USP45: variants seen among roughly 807,000 people sequenced by gnomAD.
USP45 encodes ubiquitin carboxyl-terminal hydrolase 45.
Under a neutral mutation model 95.8 loss-of-function variants are expected in USP45, and 89 were observed. That is an observed-to-expected ratio of 0.93 (90% CI 0.78 to 1.11). USP45 has a LOEUF of 1.11. USP45 is among the 50% of genes least tolerant of loss of function. The pLI is 0.00. For missense variants in USP45, 898 were observed against 942.5 expected (o/e 0.95, Z 0.62); for synonymous variants, 281 against 316.2 (o/e 0.89, Z 1.18).
At chr6:99,490,707 G>A (rs1311692368) in intron 5 of USP45, among the ~76,000 whole-genome samples, 1 of 152,068 alleles carries the variant, frequency 6.6e-6, no homozygotes, top group Non-Finnish European at 1.5e-5. Flanking sequence ...AGAACTAGTG[G>A]GTTAGCTTCT....
chr6:99,465,019 G>T, intron 12 of USP45, 61 bp downstream of exon 12: 1 of 1,387,600 alleles, frequency 7.2e-7, no homozygotes, highest in Non-Finnish European at 9.9e-7. Context: ...CTCAACAAAT[G>T]TTTAAATAAA....
intron 8 of USP45, 97 bp downstream of exon 8, chr6:99,482,656 A>C (rs1792700645): frequency 2.4e-6 from 3 of 1,248,992 alleles, no homozygotes; most frequent in Non-Finnish European, 3.2e-6. Flanking sequence ...GGGCAATAAG[A>C]GCAAAGTTAC....
intron 17 of USP45, 146 bp downstream of exon 17, chr6:99,437,100 C>CAATT (rs935096965): frequency 5.1e-5 from 45 of 883,594 alleles, no homozygotes; most frequent in Middle Eastern, 3.6e-4. Flanking sequence ...CTGTCTCAAT[C>CAATT]AATCAATCAA....
chr6:99,437,119 T>TCAATCAA, intron 17 of USP45, 127 bp downstream of exon 17: 62 of 1,026,302 alleles, frequency 6.0e-5, no homozygotes, highest in Non-Finnish European at 7.6e-5. Flanking sequence ...AATCAATCAA[T>TCAATCAA]TAAGTTAAAA....
intron 5 of USP45, among the ~76,000 whole-genome samples, chr6:99,490,861 C>T (rs888833629): frequency 5.1e-4 from 78 of 152,226 alleles, no homozygotes; most frequent in Admixed American, 3.8e-3. Flanking sequence ...TGAGCCACCG[C>T]GCCCAGCAGA....
chr6:99,488,184 AAC>A lies in USP45; in HGVS notation c.714+14_714+15del, dbSNP rs1289851641. On this transcript the variant is annotated intron_variant, in intron 7 of 17. Coordinates refer to ENST00000500704, the MANE Select transcript of USP45 (RefSeq NM_001346022.3). ...CTCATCTGAAAGCAGCTATTATTCA[AAC>A]AGTTATTACTCACCAGCTGAGAGTC... 2 of 1,562,772 alleles carry A rather than the reference AAC, an allele frequency of 1.3e-6. No individual in the cohort carries two copies. The highest frequency in any genetic ancestry group is 1.8e-6 in the Non-Finnish European group (2 of 1,137,020).
At chr6:99,486,555 C>T (rs1236372603) in intron 7 of USP45, among the ~76,000 whole-genome samples, 1 of 151,338 alleles carries the variant, frequency 6.6e-6, no homozygotes, top group Non-Finnish European at 1.5e-5. Context: ...TTACAGGCTG[C>T]TTTTCGACTA....
chr6:99,443,841 A>AT (rs562885872), intron 14 of USP45, among the ~76,000 whole-genome samples, 179 bp from the exon 15 acceptor site: 6 of 152,010 alleles, frequency 3.9e-5, no homozygotes, highest in Admixed American at 2.6e-4. Context: ...AAGTAAAGGA[A>AT]TTTTTTTTAA....
At chr6:99,508,232 CT>C (rs1759679700) in intron 3 of USP45, among the ~76,000 whole-genome samples, 2 of 152,022 alleles carry the variant, frequency 1.3e-5, no homozygotes, top group Admixed American at 1.3e-4. Context: ...ATATCAATAA[CT>C]TTTAAACTTT....
intron 11 of USP45, among the ~76,000 whole-genome samples, chr6:99,465,356 T>C (rs1348610442): frequency 6.6e-6 from 1 of 152,176 alleles, no homozygotes; most frequent in East Asian, 1.9e-4. Context: ...AATTTTATAT[T>C]ACTGTCAATA....
chr6:99,453,298 A>G (rs1784322158), intron 13 of USP45, among the ~76,000 whole-genome samples: 1 of 152,172 alleles, frequency 6.6e-6, no homozygotes, highest in African/African-American at 2.4e-5. Flanking sequence ...TAGAACTGAT[A>G]AACAAATTCA....
intron 1 of USP45, among the ~76,000 whole-genome samples, chr6:99,513,477 G>A (rs938345452): frequency 1.3e-5 from 2 of 152,110 alleles, no homozygotes; most frequent in African/African-American, 4.8e-5. Flanking sequence ...ATTTAAATTT[G>A]ATGTCCTGAA....
chr6:99,472,170 C>A (rs143810751), intron 9 of USP45, among the ~76,000 whole-genome samples: 6 of 151,468 alleles, frequency 4.0e-5, no homozygotes, highest in East Asian at 3.9e-4. Context: ...AGAAAAAAAA[C>A]CCCAAGACAT....
chr6:99,435,878 G>A (rs1780371645), intron 17 of USP45, 32 bp from the exon 18 acceptor site: 3 of 1,593,376 alleles, frequency 1.9e-6, no homozygotes, highest in African/African-American at 1.4e-5. Context: ...CAATTTTAAA[G>A]TAAGTATGCT....
chr6:99,446,036 T>C lies in USP45; in HGVS notation c.1736A>G (p.Gln579Arg). ...TAAATTATTTGAAATATTTAGTGGCTGATTTTCTCTGTCAAAATCTTGATC... is the reference window on the plus strand; with the variant it reads ...TAAATTATTTGAAATATTTAGTGGCCGATTTTCTCTGTCAAAATCTTGATC... Reference protein sequence around the residue: ...TGDQDFDRENQPLNISNNLCF... With the variant: ...TGDQDFDRENRPLNISNNLCF... The change falls in exon 14 of 18, where the codon CAG becomes CGG. Residue 579 changes from glutamine to arginine, a missense_variant. Gln to Arg is a conservative substitution (Grantham distance 43). Transcript: ENST00000500704. 1 of 1,614,108 alleles carries C rather than the reference T, an allele frequency of 6.2e-7. No homozygotes were observed.
chr6:99,481,119 A>C (rs6902279), intron 8 of USP45, among the ~76,000 whole-genome samples: 149,357 of 152,244 alleles, frequency 0.98, 73,322 homozygotes, highest in East Asian at 1. Flanking sequence ...ATACATAAAA[A>C]TCTTCAAATA....
At chr6:99,464,016 C>T (rs1491003639) in intron 13 of USP45, among the ~76,000 whole-genome samples, 1 of 151,518 alleles carries the variant, frequency 6.6e-6, no homozygotes, top group Non-Finnish European at 1.5e-5. Context: ...AAGAGTATCC[C>T]TCGGTTAGTG....
Position 99,446,157 on chromosome 6 carries a change from C to A in USP45, c.1615G>T (p.Ala539Ser), listed in dbSNP as rs1562308596. 6.2e-7 allele frequency: 1 copy of A among 1,614,178 alleles called. No individual in the cohort carries two copies. The highest frequency in any genetic ancestry group is 1.3e-5 in the African/African-American group (1 of 75,064). ...TCCTTGGTGTACAGCAGTTTACCTG[C>A]TGACAGAGGGTAAAGGGGTCCATCT... ...QPDGPLYPLS[A>S]GKLLYTKETD... The change falls in exon 14 of 18, where the codon GCA (alanine) becomes TCA (serine). Residue 539 changes from alanine (A) to serine (S), a missense_variant. Coordinates refer to ENST00000500704, the MANE Select transcript of USP45 (RefSeq NM_001346022.3).
intron 13 of USP45, among the ~76,000 whole-genome samples, chr6:99,454,551 A>G (rs1311888809): frequency 6.6e-6 from 1 of 152,236 alleles, no homozygotes; most frequent in East Asian, 1.9e-4. Flanking sequence ...TCATCCTATA[A>G]GGAACTAATG....
Sources: allele counts gnomAD v4.1 joint callset (sites outside exome capture counted in the v4.1 genomes callset), GRCh38; gene constraint gnomAD v4.1.1; transcripts MANE v1.5; gene names NCBI Gene and HGNC (gene_info 2026-07-23, HGNC 2026-07-21).